The following LNX1 variants were observed in gnomAD, a reference collection of about 807,000 sequenced individuals.
LNX1 encodes E3 ubiquitin-protein ligase LNX.
LNX1 carries 54 observed loss-of-function variants against 68.4 expected under a neutral mutation model. That is an observed-to-expected ratio of 0.79 (90% CI 0.63 to 0.99). The LOEUF is 0.99. LNX1 is among the 50% of genes least tolerant of loss of function. LNX1 has a pLI of 0.00. For missense variants in LNX1, 906 were observed against 926.4 expected, an observed-to-expected ratio of 0.98 and a Z score of 0.29; for synonymous variants, 336 against 350.0, an observed-to-expected ratio of 0.96 and a Z score of 0.45.
intron 2 of LNX1, among the ~76,000 whole-genome samples, chr4:53,513,873 C>A (rs1336736463): frequency 6.6e-6 from 1 of 152,224 alleles, no homozygotes; most frequent in Non-Finnish European, 1.5e-5. Flanking sequence ...AAGGTCCTTA[C>A]AACGATCTAT....
At chr4:53,613,919 C>T (rs1733591253) in intron 2 of LNX1, among the ~76,000 whole-genome samples, 1 of 152,174 alleles carries the variant, frequency 6.6e-6, no homozygotes, top group Non-Finnish European at 1.5e-5. Flanking sequence ...ATTTACATTC[C>T]CACCAATGGG....
intron 2 of LNX1, among the ~76,000 whole-genome samples, chr4:53,556,685 A>G (rs530722926): frequency 6.6e-6 from 1 of 152,350 alleles, no homozygotes; most frequent in African/African-American, 2.4e-5. Context: ...CTGGAGTTAT[A>G]TTCCAATAAG....
intron 2 of LNX1, among the ~76,000 whole-genome samples, chr4:53,532,691 G>A (rs1728102057): frequency 6.6e-6 from 1 of 152,188 alleles, no homozygotes; most frequent in African/African-American, 2.4e-5. Context: ...ACAGGAGACA[G>A]ACTAAACAGA....
At chr4:53,575,992 C>T in intron 1 of LNX1, 2 of 1,561,926 alleles carry the variant, frequency 1.3e-6, no homozygotes, top group Non-Finnish European at 1.7e-6. Context: ...CACGCTGCTC[C>T]AGCAGGCCCT....
chr4:53,527,764 A>C (rs1727728223), intron 2 of LNX1, among the ~76,000 whole-genome samples: 1 of 152,138 alleles, frequency 6.6e-6, no homozygotes, highest in Non-Finnish European at 1.5e-5. Flanking sequence ...GCAGGGGAAA[A>C]GGGGCTACCA....
chr4:53,459,606 C>A lies in LNX1; in HGVS notation c.*1301G>T. 9.8e-7 allele frequency: 1 copy of A among 1,015,524 alleles called. No homozygotes were observed. Among genetic ancestry groups the A allele is most frequent in the Non-Finnish European group, 1.5e-6 (1 of 680,428 alleles). The allele number at this position is 1,015,524 out of a possible 1,614,324, so 62.9% of individuals were successfully genotyped here. ...TTCCAAAATAAAAGAGTGAATTTTT[C>A]ATGTTAAGTTAAAAATCTTTGTCTT... On this transcript the variant is annotated 3_prime_UTR_variant, in exon 11 of 11. Transcript: ENST00000263925.
intron 1 of LNX1, among the ~76,000 whole-genome samples, chr4:53,651,476 T>C (rs1735096086): frequency 1.3e-5 from 2 of 152,256 alleles, no homozygotes; most frequent in African/African-American, 4.8e-5. Context: ...TACAGGATAC[T>C]GTGGCTATCT....
intron 9 of LNX1, among the ~76,000 whole-genome samples, chr4:53,475,129 G>C (rs1723480132): frequency 6.6e-6 from 1 of 152,224 alleles, no homozygotes; most frequent in South Asian, 2.1e-4. Flanking sequence ...AAAAGGTAGA[G>C]GGGAAGAAAG....
intron 9 of LNX1, among the ~76,000 whole-genome samples, chr4:53,468,132 C>T (rs753277137): frequency 6.6e-6 from 1 of 152,216 alleles, no homozygotes; most frequent in Non-Finnish European, 1.5e-5. Flanking sequence ...ATCAGACTAA[C>T]AGCTGATCTC....
At chr4:53,538,323 G>T (rs1312787516) in intron 2 of LNX1, among the ~76,000 whole-genome samples, 1 of 152,176 alleles carries the variant, frequency 6.6e-6, no homozygotes, top group African/African-American at 2.4e-5. Flanking sequence ...GCCAGAATCA[G>T]CAGCCATAGA....
Position 53,470,835 on chromosome 4 carries a change from A to C in LNX1, c.1892+5918T>G, listed in dbSNP as rs1270005015. On this transcript the variant is annotated intron_variant, in intron 9 of 10. Coordinates refer to ENST00000263925, the MANE Select transcript of LNX1 (RefSeq NM_001126328.3). ...CTACAAACCACTGCTCAATGAAATA[A>C]AATAGGATACAAACAAATGGAAGAA... is the stretch of plus-strand genomic sequence containing the variant. Among the ~76,000 whole-genome samples the C allele has an allele frequency of 2.6e-5, 4 of 152,110 alleles. No individual in the cohort carries two copies. In the South Asian group the frequency reaches 8.3e-4, roughly 32 times the overall value.
At chr4:53,496,652 A>G (rs566339713) in intron 5 of LNX1, 18 of 402,952 alleles carry the variant, frequency 4.5e-5, no homozygotes, top group Non-Finnish European at 7.9e-5. Flanking sequence ...CCACATATTT[A>G]TTCCCAGAAT....
chr4:53,486,608 G>A (rs942420820), intron 6 of LNX1, among the ~76,000 whole-genome samples: 1 of 152,148 alleles, frequency 6.6e-6, no homozygotes, highest in African/African-American at 2.4e-5. Flanking sequence ...CCATGAAAGA[G>A]AAATGGGGAA....
At chr4:53,610,715 G>GAAAAAAAAAA (rs10553873) in intron 2 of LNX1, among the ~76,000 whole-genome samples, 58 of 112,526 alleles carry the variant, frequency 5.2e-4, no homozygotes, top group Middle Eastern at 4.9e-3. Flanking sequence ...TCTCAAAGAG[G>GAAAAAAAAAA]AAAAAAAAAA....
chr4:53,461,114 A>C, intron 10 of LNX1, 72 bp from the exon 11 acceptor site: 1 of 1,325,530 alleles, frequency 7.5e-7, no homozygotes, highest in Non-Finnish European at 1.0e-6. Flanking sequence ...AGTTTATCTT[A>C]GTGGTGCTAG....
At chr4:53,484,499 G>A (rs1486412632) in intron 6 of LNX1, among the ~76,000 whole-genome samples, 1 of 152,032 alleles carries the variant, frequency 6.6e-6, no homozygotes, top group East Asian at 1.9e-4. Context: ...GAGGGTGGAG[G>A]TTGCAGCGAA....
At chr4:53,552,147 A>C (rs1729556704) in intron 2 of LNX1, among the ~76,000 whole-genome samples, 1 of 152,182 alleles carries the variant, frequency 6.6e-6, no homozygotes, top group African/African-American at 2.4e-5. Flanking sequence ...GCTTCCTGGG[A>C]AGTCAGTCAC....
rs528045651 is a variant in LNX1 at position 53,471,637 on chromosome 4, G to A, written c.1892+5116C>T. Among the ~76,000 whole-genome samples, 13 of 151,612 alleles carry A rather than the reference G, an allele frequency of 8.6e-5. No homozygotes were observed. The South Asian group carries it at 2.7e-3, about 32-fold the overall frequency. On this transcript the variant is annotated intron_variant, in intron 9 of 10. Transcript: ENST00000263925. ...CAGAATCTACAATGAACTCAAACAA[G>A]TTTACAAGAAAAAAAAACCCCATCA...
intron 2 of LNX1, among the ~76,000 whole-genome samples, chr4:53,614,135 A>G (rs1368640415): frequency 1.3e-5 from 2 of 152,126 alleles, no homozygotes; most frequent in Admixed American, 1.3e-4. Context: ...GTGTCTGTTC[A>G]TGTCCTTTGC....
Sources: allele counts gnomAD v4.1 joint callset (sites outside exome capture counted in the v4.1 genomes callset), GRCh38; gene constraint gnomAD v4.1.1; transcripts MANE v1.5; gene names NCBI Gene and HGNC (gene_info 2026-07-23, HGNC 2026-07-21).